PAPSS1: variants seen among roughly 807,000 people sequenced by gnomAD.
PAPSS1 encodes 3'-phosphoadenosine 5'-phosphosulfate synthase 1.
Under a neutral mutation model 72.0 loss-of-function variants are expected in PAPSS1, and 50 were observed. The ratio of observed to expected loss-of-function variants is 0.69; its 90% confidence interval spans 0.55 to 0.88. The LOEUF (loss-of-function observed/expected upper bound fraction) is 0.88. Ranked by LOEUF, PAPSS1 falls within the 40% of genes least tolerant of loss-of-function variation. The probability of loss-of-function intolerance (pLI) is 0.00; values close to 1 mark genes in which losing one functional copy is unlikely to be tolerated. For missense variants in PAPSS1, 657 were observed against 782.2 expected (o/e 0.84, Z 1.91); for synonymous variants, 261 against 263.6 (o/e 0.99, Z 0.09).
intron 3 of PAPSS1, among the ~76,000 whole-genome samples, chr4:107,692,030 C>T (rs1722936691): frequency 6.6e-6 from 1 of 152,034 alleles, no homozygotes; most frequent in Non-Finnish European, 1.5e-5. Context: ...ACACCATAGG[C>T]AAAAATTAAC....
intron 4 of PAPSS1, among the ~76,000 whole-genome samples, chr4:107,684,047 T>C (rs550644293): frequency 3.5e-4 from 54 of 152,306 alleles, no homozygotes; most frequent in African/African-American, 1.2e-3. Flanking sequence ...CAGGGGAATG[T>C]AGTCAACAGT....
chr4:107,719,573 A>G (rs542654684), intron 1 of PAPSS1, among the ~76,000 whole-genome samples: 1 of 152,336 alleles, frequency 6.6e-6, no homozygotes, highest in Admixed American at 6.5e-5. Context: ...GTCTCAACTC[A>G]TGAATGACCA....
intron 5 of PAPSS1, among the ~76,000 whole-genome samples, chr4:107,677,215 C>T (rs1224831227): frequency 6.6e-6 from 1 of 152,108 alleles, no homozygotes; most frequent in Non-Finnish European, 1.5e-5. Context: ...AGCTTCTGCA[C>T]AGCAAAAGAA....
intron 1 of PAPSS1, among the ~76,000 whole-genome samples, chr4:107,704,725 C>A (rs1026319490): frequency 6.6e-6 from 1 of 152,036 alleles, no homozygotes; most frequent in African/African-American, 2.4e-5. Flanking sequence ...CCGAGGCAGG[C>A]GGATCACCTG....
intron 11 of PAPSS1, among the ~76,000 whole-genome samples, chr4:107,620,667 C>T (rs1389460906): frequency 3.3e-5 from 5 of 152,140 alleles, no homozygotes; most frequent in African/African-American, 4.8e-5. Context: ...TCCCCCTCCC[C>T]AGGGCAAACA....
chr4:107,654,206 A>T (rs901722817), intron 8 of PAPSS1, among the ~76,000 whole-genome samples: 1 of 152,160 alleles, frequency 6.6e-6, no homozygotes, highest in African/African-American at 2.4e-5. Flanking sequence ...AGTCTACCTT[A>T]ACACACCTAA....
At chr4:107,712,589 A>G (rs1723520772) in intron 1 of PAPSS1, among the ~76,000 whole-genome samples, 1 of 152,206 alleles carries the variant, frequency 6.6e-6, no homozygotes, top group South Asian at 2.1e-4. Context: ...AATAAAGAAG[A>G]TGTGGCCGGG....
rs141369782 is a variant in PAPSS1, at chr4:107,652,246, G to A, written c.1237+1245C>T. ...TAGGGCCAAACCATCTCTGCAGTGG[G>A]TGGGAATTAATTAGGAGCACAACTG... is the stretch of plus-strand genomic sequence containing the variant. On this transcript the variant is annotated intron_variant, in intron 9 of 11. Coordinates refer to ENST00000265174, the MANE Select transcript of PAPSS1 (RefSeq NM_005443.5). Among the ~76,000 whole-genome samples, 48 of 152,290 alleles carry A rather than the reference G, an allele frequency of 3.2e-4. 1 individual carries two copies. The East Asian group carries it at 9.1e-3, about 29-fold the overall frequency.
At chr4:107,661,751 T>A (rs6831597) in intron 5 of PAPSS1, among the ~76,000 whole-genome samples, 36,768 of 152,076 alleles carry the variant, frequency 0.24, 5,070 homozygotes, top group Middle Eastern at 0.34. Flanking sequence ...TCCTGAGGAA[T>A]AGATGACCTC....
intron 9 of PAPSS1, among the ~76,000 whole-genome samples, chr4:107,645,675 G>A (rs972168103): frequency 4.6e-5 from 7 of 152,182 alleles, no homozygotes; most frequent in Admixed American, 2.6e-4. Flanking sequence ...CTAGACAGAC[G>A]AAACTGGTTA....
intron 6 of PAPSS1, among the ~76,000 whole-genome samples, chr4:107,657,798 T>C (rs1270121398): frequency 6.0e-5 from 9 of 150,588 alleles, no homozygotes; most frequent in African/African-American, 2.2e-4. Context: ...GACCAATAAA[T>C]GTATTGAAAA....
intron 1 of PAPSS1, among the ~76,000 whole-genome samples, chr4:107,714,989 G>A (rs1021785713): frequency 6.6e-6 from 1 of 151,898 alleles, no homozygotes. Flanking sequence ...CTTGGGAACA[G>A]AGTAAAAATA....
chr4:107,697,239 GACA>G (rs2125935174), intron 2 of PAPSS1, among the ~76,000 whole-genome samples: 1 of 152,334 alleles, frequency 6.6e-6, no homozygotes, highest in East Asian at 1.9e-4. Flanking sequence ...AGGCCAGCAT[GACA>G]ACAACCAAGC....
At chr4:107,621,483 T>C (rs942639456) in intron 11 of PAPSS1, among the ~76,000 whole-genome samples, 2 of 152,044 alleles carry the variant, frequency 1.3e-5, no homozygotes, top group African/African-American at 4.8e-5. Context: ...AAACATATTT[T>C]CAATTGGTTG....
chr4:107,617,959 A>C (rs949160762), intron 11 of PAPSS1, among the ~76,000 whole-genome samples: 2 of 152,220 alleles, frequency 1.3e-5, no homozygotes, highest in Non-Finnish European at 2.9e-5. Flanking sequence ...AAAAAAACAA[A>C]GTTACTGCAT....
rs764401556 is a variant in PAPSS1, at chr4:107,693,757, C to T, written c.411+14G>A. On this transcript the variant is annotated intron_variant, in intron 3 of 11. Transcript: ENST00000265174. ...AAATGTAAGCAGAAAGGCAATGGCACAAAAACCACATACCTGAGTGTAAGG... is the reference window on the plus strand; with the variant it reads ...AAATGTAAGCAGAAAGGCAATGGCATAAAAACCACATACCTGAGTGTAAGG... 2.1e-5 allele frequency: 33 copies of T among 1,591,286 alleles called. No homozygotes were observed. The African/African-American group carries it at 4.3e-4, about 21-fold the overall frequency.
At chr4:107,649,311 G>T (rs1353878104) in intron 9 of PAPSS1, among the ~76,000 whole-genome samples, 2 of 152,250 alleles carry the variant, frequency 1.3e-5, no homozygotes, top group South Asian at 2.1e-4. Context: ...CCTGCAACCA[G>T]CTTCTGCCCA....
chr4:107,693,956 G>A lies in PAPSS1; in HGVS notation c.226C>T (p.Leu76=). The change falls in exon 3 of 12, where the codon CTG becomes TTG. Residue 76 remains leucine (L), a synonymous_variant. Transcript: ENST00000265174. ...TTVSMALEEY[L]VCHGIPCYTL... Reference sequence around the variant, plus strand: ...TAGCATGGAATACCATGACAAACCAGGTACTCCTCCAAGGCCATGCTCACA... The same window carrying A: ...TAGCATGGAATACCATGACAAACCAAGTACTCCTCCAAGGCCATGCTCACA... 2 of 1,613,772 alleles carry A rather than the reference G, an allele frequency of 1.2e-6. No individual in the cohort carries two copies. The highest frequency in any genetic ancestry group is 1.7e-6 in the Non-Finnish European group (2 of 1,179,856).
At chr4:107,701,402 A>C (rs1004787717) in intron 1 of PAPSS1, 117 bp from the exon 2 acceptor site, 6 of 656,580 alleles carry the variant, frequency 9.1e-6, no homozygotes, top group Non-Finnish European at 1.5e-5. Flanking sequence ...GAAAAAGATA[A>C]AACAGTTTTT....
Sources: allele counts gnomAD v4.1 joint callset (sites outside exome capture counted in the v4.1 genomes callset), GRCh38; gene constraint gnomAD v4.1.1; transcripts MANE v1.5; gene names NCBI Gene and HGNC (gene_info 2026-07-23, HGNC 2026-07-21).